The following PCSK2 variants were observed in gnomAD, a reference collection of about 807,000 sequenced individuals.
PCSK2 encodes the protein proprotein convertase subtilisin/kexin type 2, also known as neuroendocrine convertase 2.
Under a neutral mutation model 69.7 loss-of-function variants are expected in PCSK2, and 14 were observed. The observed-to-expected ratio is 0.20, with a 90% CI of 0.13 to 0.31. PCSK2 has a LOEUF of 0.31. Ranked by LOEUF, PCSK2 falls within the 10% of genes least tolerant of loss-of-function variation. The probability of loss-of-function intolerance (pLI) is 1.00; values close to 1 mark genes in which losing one functional copy is unlikely to be tolerated. For missense variants in PCSK2, 544 were observed against 842.5 expected, an observed-to-expected ratio of 0.65 and a Z score of 4.39; for synonymous variants, 307 against 320.7, an observed-to-expected ratio of 0.96 and a Z score of 0.46.
intron 5 of PCSK2, among the ~76,000 whole-genome samples, chr20:17,390,147 T>C (rs1206045001): frequency 1.3e-5 from 2 of 152,136 alleles, no homozygotes; most frequent in African/African-American, 4.8e-5. Context: ...CAAAGACAAA[T>C]GCAAGAGTAC....
At chr20:17,316,683 G>T (rs555771795) in intron 2 of PCSK2, among the ~76,000 whole-genome samples, 1 of 152,286 alleles carries the variant, frequency 6.6e-6, no homozygotes, top group South Asian at 2.1e-4. Flanking sequence ...GCATCAATTT[G>T]TGCTTGATCA....
intron 6 of PCSK2, among the ~76,000 whole-genome samples, chr20:17,416,750 T>C (rs577138864): frequency 6.6e-6 from 1 of 152,254 alleles, no homozygotes; most frequent in East Asian, 1.9e-4. Flanking sequence ...CTATTGACAA[T>C]AGCAAAGACT....
At chr20:17,443,522 T>C (rs2123363428) in intron 8 of PCSK2, among the ~76,000 whole-genome samples, 1 of 152,286 alleles carries the variant, frequency 6.6e-6, no homozygotes, top group South Asian at 2.1e-4. Context: ...AGGGGAACAG[T>C]TGGCAGATTC....
chr20:17,308,294 A>G (rs1381905225), intron 2 of PCSK2, among the ~76,000 whole-genome samples: 1 of 152,206 alleles, frequency 6.6e-6, no homozygotes, highest in African/African-American at 2.4e-5. Context: ...TCCACATGAG[A>G]TTTTGGTGGC....
At chr20:17,330,334 C>T (rs891756787) in intron 2 of PCSK2, among the ~76,000 whole-genome samples, 6 of 152,004 alleles carry the variant, frequency 3.9e-5, no homozygotes, top group African/African-American at 1.5e-4. Context: ...TGGCTCACAC[C>T]TGTAATCCCA....
intron 1 of PCSK2, among the ~76,000 whole-genome samples, chr20:17,242,932 T>C (rs1986636357): frequency 6.6e-6 from 1 of 152,212 alleles, no homozygotes; most frequent in South Asian, 2.1e-4. Flanking sequence ...GTGGGTTTTA[T>C]GGGACAGCAT....
At chr20:17,239,606 T>C (rs943252149) in intron 1 of PCSK2, among the ~76,000 whole-genome samples, 1 of 151,816 alleles carries the variant, frequency 6.6e-6, no homozygotes, top group Admixed American at 6.6e-5. Flanking sequence ...TTATGGGAGT[T>C]TCAAGCCAAT....
chr20:17,327,617 C>G (rs117689968), intron 2 of PCSK2, among the ~76,000 whole-genome samples: 22 of 152,318 alleles, frequency 1.4e-4, no homozygotes, highest in Non-Finnish European at 2.5e-4. Context: ...CAACGCGGCG[C>G]TCCCTCCCAT....
At chr20:17,481,537 G>A (rs563853859) in intron 11 of PCSK2, 47 bp from the exon 12 acceptor site, 19 of 1,577,156 alleles carry the variant, frequency 1.2e-5, no homozygotes, top group Non-Finnish European at 1.6e-5. Context: ...CCCTTGTAAG[G>A]TGCACCCACC....
At chr20:17,267,107 C>T (rs954300872) in intron 2 of PCSK2, among the ~76,000 whole-genome samples, 1 of 152,132 alleles carries the variant, frequency 6.6e-6, no homozygotes, top group East Asian at 1.9e-4. Context: ...CGTGCCCAAT[C>T]CAGCTCCCCA....
intron 2 of PCSK2, among the ~76,000 whole-genome samples, chr20:17,295,840 G>A (rs913136104): frequency 2.0e-5 from 3 of 152,122 alleles, no homozygotes; most frequent in African/African-American, 7.2e-5. Context: ...ACATGTGTGA[G>A]CCACCGTGTC....
intron 11 of PCSK2, among the ~76,000 whole-genome samples, chr20:17,478,846 C>T (rs974802942): frequency 6.6e-6 from 1 of 152,066 alleles, no homozygotes; most frequent in African/African-American, 2.4e-5. Flanking sequence ...CATGTCATGC[C>T]ATATTTCTGC....
chr20:17,261,850 T>C (rs59160969), intron 2 of PCSK2, among the ~76,000 whole-genome samples: 36 of 152,376 alleles, frequency 2.4e-4, no homozygotes, highest in African/African-American at 7.5e-4. Flanking sequence ...CTTTTAGTTA[T>C]GTATTTTCTT....
intron 2 of PCSK2, among the ~76,000 whole-genome samples, chr20:17,290,252 T>G (rs1024176274): frequency 6.6e-6 from 1 of 152,194 alleles, no homozygotes; most frequent in African/African-American, 2.4e-5. Flanking sequence ...CTTCAGTTAG[T>G]GACTGAATTA....
chr20:17,448,973 CA>C (rs1400059729), intron 8 of PCSK2, among the ~76,000 whole-genome samples: 5 of 151,382 alleles, frequency 3.3e-5, no homozygotes, highest in Non-Finnish European at 5.9e-5. Flanking sequence ...TCCAGCTCCT[CA>C]AACTCCTGGG....
chr20:17,264,225 C>A (rs771676185), intron 2 of PCSK2, among the ~76,000 whole-genome samples: 9 of 152,192 alleles, frequency 5.9e-5, no homozygotes, highest in South Asian at 2.1e-4. Flanking sequence ...CTTATGGAAG[C>A]AAAATAATTT....
At chr20:17,304,495 C>T (rs933761370) in intron 2 of PCSK2, among the ~76,000 whole-genome samples, 8 of 152,142 alleles carry the variant, frequency 5.3e-5, no homozygotes, top group Non-Finnish European at 8.8e-5. Flanking sequence ...TTTTCTGAAA[C>T]GGAGCACAGG....
rs2032489434 is a variant in PCSK2 at position 17,436,669 on chromosome 20, G to A, written c.710-39G>A. On this transcript the variant is annotated intron_variant, in intron 7 of 11. Coordinates refer to ENST00000262545, the MANE Select transcript of PCSK2 (RefSeq NM_002594.5). ...ACCTCCTTGTCTCCTGCGAACTGGGGAACCCAAACATGGTGTCCTCTGCTC... is the reference window on the plus strand; with the variant it reads ...ACCTCCTTGTCTCCTGCGAACTGGGAAACCCAAACATGGTGTCCTCTGCTC... 3 of 1,570,380 alleles carry A rather than the reference G, an allele frequency of 1.9e-6. No homozygotes were observed. The African/African-American group carries it at 4.1e-5, about 21-fold the overall frequency.
At chr20:17,321,022 T>C (rs1046174308) in intron 2 of PCSK2, among the ~76,000 whole-genome samples, 4 of 152,218 alleles carry the variant, frequency 2.6e-5, no homozygotes, top group African/African-American at 9.6e-5. Context: ...TTCTGCCTTT[T>C]CCCCCTTCTG....
Sources: gnomAD v4.1 joint callset for allele counts (sites outside exome capture counted in the v4.1 genomes callset) on GRCh38, gnomAD v4.1.1 for gene constraint, MANE v1.5 for transcripts, NCBI Gene and HGNC (gene_info 2026-07-23, HGNC 2026-07-21) for gene names.